The following EXOC6B variants were observed in gnomAD, a reference collection of about 807,000 sequenced individuals.
The protein encoded by EXOC6B is exocyst complex component 6B.
EXOC6B carries 54 observed loss-of-function variants against 113.5 expected under a neutral mutation model. The ratio of observed to expected loss-of-function variants is 0.48; its 90% CI spans 0.38 to 0.60. The LOEUF (loss-of-function observed/expected upper bound fraction) is 0.60, where lower values mean the gene tolerates loss of function less well. EXOC6B is among the 20% of genes least tolerant of loss of function. EXOC6B has a pLI of 0.00. For synonymous variants in EXOC6B, 357 were observed against 339.0 expected (o/e 1.05, Z -0.58); for missense variants, 797 against 977.5 (o/e 0.82, Z 2.46).
At chr2:72,544,711 A>C (rs988175455) in intron 8 of EXOC6B, among the ~76,000 whole-genome samples, 11 of 152,138 alleles carry the variant, frequency 7.2e-5, no homozygotes, top group Non-Finnish European at 1.5e-4. Flanking sequence ...TGATGATACT[A>C]GTGTTTCCTA....
chr2:72,792,368 G>A (rs1164040877), intron 1 of EXOC6B, among the ~76,000 whole-genome samples: 1 of 152,112 alleles, frequency 6.6e-6, no homozygotes, highest in Non-Finnish European at 1.5e-5. Context: ...ATCTAGTTTT[G>A]GGGTTATTTT....
intron 6 of EXOC6B, among the ~76,000 whole-genome samples, chr2:72,632,800 GCCTC>G (rs1178663118): frequency 7.2e-5 from 11 of 152,000 alleles, no homozygotes; most frequent in African/African-American, 2.7e-4. Flanking sequence ...CCAAACCTCA[GCCTC>G]CCAAATAGCT....
intron 6 of EXOC6B, among the ~76,000 whole-genome samples, chr2:72,650,035 C>G (rs1221181867): frequency 6.6e-6 from 1 of 152,196 alleles, no homozygotes; most frequent in East Asian, 1.9e-4. Context: ...GGGCGCGGGG[C>G]ACGACATGAG....
chr2:72,793,061 A>G (rs1684764771), intron 1 of EXOC6B, among the ~76,000 whole-genome samples: 2 of 152,166 alleles, frequency 1.3e-5, no homozygotes, highest in East Asian at 1.9e-4. Context: ...CTACTGTATG[A>G]ACATACTATA....
At chr2:72,262,645 G>A (rs1683803781) in intron 20 of EXOC6B, among the ~76,000 whole-genome samples, 1 of 152,110 alleles carries the variant, frequency 6.6e-6, no homozygotes, top group Non-Finnish European at 1.5e-5. Context: ...ATGAAGCAAC[G>A]TATATTACGT....
At chr2:72,456,558 G>A (rs1162174150) in intron 18 of EXOC6B, among the ~76,000 whole-genome samples, 2 of 152,094 alleles carry the variant, frequency 1.3e-5, no homozygotes, top group Non-Finnish European at 2.9e-5. Flanking sequence ...TGGTATAATG[G>A]AAAAAATTTT....
intron 3 of EXOC6B, among the ~76,000 whole-genome samples, chr2:72,732,153 T>C (rs1344044070): frequency 1.3e-5 from 2 of 152,280 alleles, no homozygotes; most frequent in East Asian, 3.9e-4. Flanking sequence ...ATTTTTTTTA[T>C]GGTGGGGGGA....
At chr2:72,453,946 CT>C (rs1573155385) in intron 18 of EXOC6B, among the ~76,000 whole-genome samples, 1 of 152,160 alleles carries the variant, frequency 6.6e-6, no homozygotes, top group African/African-American at 2.4e-5. Flanking sequence ...CAGAAAGTAC[CT>C]CTTCATAGGA....
intron 5 of EXOC6B, among the ~76,000 whole-genome samples, chr2:72,725,327 T>A (rs886469728): frequency 5.3e-5 from 8 of 152,190 alleles, no homozygotes; most frequent in African/African-American, 1.9e-4. Context: ...GGATTTTTTT[T>A]AAATGAAGGT....
intron 6 of EXOC6B, among the ~76,000 whole-genome samples, chr2:72,603,640 T>G (rs372615408): frequency 5.9e-4 from 90 of 152,282 alleles, no homozygotes; most frequent in African/African-American, 2.0e-3. Flanking sequence ...CAGCAAGTGG[T>G]GTGTACCTAT....
intron 6 of EXOC6B, among the ~76,000 whole-genome samples, chr2:72,598,181 T>C (rs1443590421): frequency 2.6e-5 from 4 of 151,858 alleles, no homozygotes; most frequent in African/African-American, 9.7e-5. Flanking sequence ...CTGATGGCCA[T>C]AAAACACACT....
intron 2 of EXOC6B, among the ~76,000 whole-genome samples, chr2:72,734,424 T>C (rs1348227696): frequency 1.3e-5 from 2 of 152,156 alleles, no homozygotes; most frequent in Non-Finnish European, 2.9e-5. Context: ...AAAATGCACA[T>C]CTAAGACAAT....
At position 72,575,611 on chromosome 2, in the gene EXOC6B, T is replaced by C; in HGVS notation, c.727A>G (p.Lys243Glu). Residue 243 changes from lysine to glutamate, a missense_variant, in exon 7 of 22, where the codon AAG becomes GAG. Transcript: ENST00000272427. ...TATGCATCTTTCTTAGATTTCCTCTTGCTACCTATTCTGGGTTGTTGCAAG... is the reference window on the plus strand; with the variant it reads ...TATGCATCTTTCTTAGATTTCCTCTCGCTACCTATTCTGGGTTGTTGCAAG... ...IVLQQPRIGS[K>E]RKSKKDAYII... 1 of 1,610,420 alleles carries C rather than the reference T, an allele frequency of 6.2e-7. No homozygotes were observed. Among genetic ancestry groups the C allele is most frequent in the Non-Finnish European group, 8.5e-7 (1 of 1,178,522 alleles).
intron 5 of EXOC6B, 41 bp downstream of exon 5, chr2:72,730,966 T>C (rs2104773390): frequency 1.4e-6 from 2 of 1,417,878 alleles, no homozygotes; most frequent in South Asian, 1.4e-5. Flanking sequence ...ACAACAGAAA[T>C]TTTAGATAGT....
At chr2:72,603,410 T>C (rs1670551616) in intron 6 of EXOC6B, among the ~76,000 whole-genome samples, 1 of 151,978 alleles carries the variant, frequency 6.6e-6, no homozygotes, top group Non-Finnish European at 1.5e-5. Flanking sequence ...CTGTCTAGAA[T>C]ACTCTATTAT....
rs976245381 is a variant in EXOC6B, at chr2:72,177,706, T to C, written c.*1629A>G. On this transcript the variant is annotated 3_prime_UTR_variant, in exon 22 of 22. Coordinates refer to ENST00000272427, the MANE Select transcript of EXOC6B (RefSeq NM_015189.3). The stretch of plus-strand genomic sequence containing the variant: ...CAAGATATGATAGGATATGGTGAGG[T>C]AGGGGGGTTGGGGAGGGGCAAGGAA... 6.6e-6 allele frequency: 1 copy of C among 151,896 alleles called. No homozygotes were observed. The highest frequency in any genetic ancestry group is 6.6e-5 in the Admixed American group (1 of 15,254). 9.4% of individuals were successfully genotyped at this position (151,896 alleles called of 1,614,324 possible).
intron 8 of EXOC6B, among the ~76,000 whole-genome samples, chr2:72,517,768 C>G (rs1394870294): frequency 6.6e-6 from 1 of 152,026 alleles, no homozygotes; most frequent in East Asian, 1.9e-4. Context: ...AGAAAGCATT[C>G]CTCTAATTAT....
intron 18 of EXOC6B, among the ~76,000 whole-genome samples, chr2:72,428,887 ATCAG>A (rs1168921229): frequency 6.6e-6 from 1 of 152,220 alleles, no homozygotes; most frequent in African/African-American, 2.4e-5. Context: ...AATCAGCTCA[ATCAG>A]TCATCTTTCT....
intron 6 of EXOC6B, among the ~76,000 whole-genome samples, chr2:72,643,612 G>A (rs1194161856): frequency 8.6e-6 from 1 of 116,638 alleles, no homozygotes; most frequent in East Asian, 2.7e-4. Context: ...GGGGACTGTT[G>A]TGGGGTGGGG....
Sources: allele counts gnomAD v4.1 joint callset (sites outside exome capture counted in the v4.1 genomes callset), GRCh38; gene constraint gnomAD v4.1.1; transcripts MANE v1.5; gene names NCBI Gene and HGNC (gene_info 2026-07-23, HGNC 2026-07-21).